PIP5K1A: variants seen among roughly 807,000 people sequenced by gnomAD.
PIP5K1A encodes the protein phosphatidylinositol 4-phosphate 5-kinase type-1 alpha.
In PIP5K1A, 46 loss-of-function variants were observed where a neutral mutation model predicts 72.9. That is an observed-to-expected ratio of 0.63 (90% CI 0.50 to 0.81). The LOEUF (loss-of-function observed/expected upper bound fraction) is 0.81, where lower values mean the gene tolerates loss of function less well. Ranked by LOEUF, PIP5K1A falls within the 30% of genes least tolerant of loss-of-function variation. PIP5K1A has a pLI of 0.00. For missense variants in PIP5K1A, 458 were observed against 706.1 expected (o/e 0.65, Z 3.98); for synonymous variants, 228 against 255.1 (o/e 0.89, Z 1.01).
chr1:151,216,935 C>A (rs1558255455), intron 1 of PIP5K1A, among the ~76,000 whole-genome samples: 1 of 143,100 alleles, frequency 7.0e-6, no homozygotes. Context: ...TTTTTTGAGA[C>A]GGAGTCTCGC....
chr1:151,224,057 C>T lies in PIP5K1A; in HGVS notation c.86-188C>T, dbSNP rs1688767592. On this transcript the variant is annotated intron_variant, in intron 1 of 15. Transcript: ENST00000368888. ...GAATAAAAATGGAATATGCACGAGG[C>T]CTATGTGAGTATGGAGAAGGAGAGA... 1.9e-5 allele frequency: 12 copies of T among 617,162 alleles called. 1 individual carries two copies. The South Asian group carries it at 2.2e-4, about 11-fold the overall frequency. The allele number at this position is 617,162 out of a possible 1,614,324, so 38.2% of individuals were successfully genotyped here.
chr1:151,240,092 C>T lies in PIP5K1A; in HGVS notation c.1363+53C>T, dbSNP rs1691478530. The T allele has an allele frequency of 3.9e-6, 5 of 1,289,310 alleles. No individual in the cohort carries two copies. The East Asian group carries it at 7.0e-5, about 18-fold the overall frequency. 79.9% of individuals were successfully genotyped at this position (1,289,310 alleles called of 1,614,324 possible). A position where few individuals can be genotyped will look rare whatever the true frequency, so the allele number is the denominator to read the frequency against. ...TACTCCTGCCCAGTGGCTCCCTTAC[C>T]CCAAGAGAACAGAGGGCAGGACACC... On this transcript the variant is annotated intron_variant, in intron 12 of 15. Coordinates refer to ENST00000368888, the MANE Select transcript of PIP5K1A (RefSeq NM_001135638.2).
intron 1 of PIP5K1A, among the ~76,000 whole-genome samples, chr1:151,221,404 G>A (rs1003402402): frequency 6.6e-6 from 1 of 152,168 alleles, no homozygotes; most frequent in African/African-American, 2.4e-5. Flanking sequence ...CTTCTCTGTA[G>A]CATTTATAGC....
chr1:151,217,801 A>T (rs1687853073), intron 1 of PIP5K1A, among the ~76,000 whole-genome samples: 1 of 151,354 alleles, frequency 6.6e-6, no homozygotes, highest in South Asian at 2.1e-4. Flanking sequence ...TATTTTTGAG[A>T]TGGAGTCTTG....
intron 1 of PIP5K1A, among the ~76,000 whole-genome samples, chr1:151,223,159 T>A (rs1056772626): frequency 3.3e-5 from 5 of 151,690 alleles, no homozygotes; most frequent in Non-Finnish European, 5.9e-5. Flanking sequence ...AAGACCACCC[T>A]GGCCGACATG....
rs1048925301 is a variant in PIP5K1A, at chr1:151,234,237, A to T, written c.680A>T (p.Tyr227Phe). 1.2e-6 allele frequency: 2 copies of T among 1,611,792 alleles called. No homozygotes were observed. The highest frequency in any genetic ancestry group is 3.3e-5 in the Admixed American group (2 of 59,890). The change falls in exon 8 of 16, where the codon TAT becomes TTT. Residue 227 changes from tyrosine to phenylalanine, a missense_variant. By Grantham distance (22) the Tyr-to-Phe change is conservative. Around this residue, in one of 3 missense-constraint regions of PIP5K1A, gnomAD observed 220 missense variants for 442.6 expected, o/e 0.50. Transcript: ENST00000368888. ...CCTCGGACTTTGCTGCCTAAATTCT[A>T]TGGACTGTACTGTGTGCAGGCAGGT... is the stretch of plus-strand genomic sequence containing the variant. ...QNPRTLLPKF[Y>F]GLYCVQAGGK...
chr1:151,239,923 C>CTT, intron 11 of PIP5K1A, 32 bp from the exon 12 acceptor site: 1 of 1,533,610 alleles, frequency 6.5e-7, no homozygotes, highest in Non-Finnish European at 9.0e-7. Flanking sequence ...TGCCGGGCCT[C>CTT]CTAACTCTAT....
chr1:151,211,311 AC>A (rs1686762496), intron 1 of PIP5K1A, among the ~76,000 whole-genome samples: 1 of 151,506 alleles, frequency 6.6e-6, no homozygotes, highest in African/African-American at 2.4e-5. Context: ...ACATAGTGAA[AC>A]CCTGTCTCTA....
Position 151,232,175 on chromosome 1 carries a change from A to G in PIP5K1A, c.369-73A>G. ...CTCCCCCCACCATGAGGTGACTCTG[A>G]GTGTCTTCGCAAGGTAGATTCTCTG... On this transcript the variant is annotated intron_variant, in intron 5 of 15. Transcript: ENST00000368888. 4 of 968,766 alleles carry G rather than the reference A, an allele frequency of 4.1e-6. No homozygotes were observed. In the Admixed American group the frequency reaches 6.8e-5, roughly 16 times the overall value. 60.0% of individuals were successfully genotyped at this position (968,766 alleles called of 1,614,324 possible).
chr1:151,244,499 C>T (rs1285834754), intron 14 of PIP5K1A, among the ~76,000 whole-genome samples: 2 of 151,810 alleles, frequency 1.3e-5, no homozygotes, highest in Non-Finnish European at 2.9e-5. Flanking sequence ...ACCAAAAATA[C>T]AAAAAAATTA....
At chr1:151,215,809 A>G (rs1687509212) in intron 1 of PIP5K1A, among the ~76,000 whole-genome samples, 1 of 152,198 alleles carries the variant, frequency 6.6e-6, no homozygotes, top group South Asian at 2.1e-4. Context: ...ATTACAAAAA[A>G]ATCATTCCAC....
Position 151,224,280 on chromosome 1 carries a change from G to A in PIP5K1A, c.120+1G>A, listed in dbSNP as rs1688801694. The A allele has an allele frequency of 6.2e-7, 1 of 1,613,016 alleles. No homozygotes were observed. Among genetic ancestry groups the A allele is most frequent in the African/African-American group, 1.3e-5 (1 of 74,860 alleles). Reference sequence around the variant, plus strand: ...AATCAAGAGACCCATGGCATCTGAGGTGAGTTTCATACTGATACAATGGTT... The same window carrying A: ...AATCAAGAGACCCATGGCATCTGAGATGAGTTTCATACTGATACAATGGTT... On this transcript the variant is annotated splice_donor_variant, in intron 2 of 15. Transcript: ENST00000368888. LOFTEE classifies it high-confidence loss of function.
intron 1 of PIP5K1A, among the ~76,000 whole-genome samples, chr1:151,210,573 A>G (rs1049314961): frequency 6.6e-6 from 1 of 151,990 alleles, no homozygotes; most frequent in African/African-American, 2.4e-5. Flanking sequence ...TGCTCTATGT[A>G]GGAACTATTG....
intron 2 of PIP5K1A, 38 bp from the exon 3 acceptor site, chr1:151,224,333 G>A: frequency 6.2e-7 from 1 of 1,608,872 alleles, no homozygotes; most frequent in South Asian, 1.1e-5. Flanking sequence ...GGGATAGAAG[G>A]AACCTGTTTA....
rs1688801074 is a variant in PIP5K1A at position 151,224,278 on chromosome 1, A to G, written c.119A>G (p.Glu40Gly). Residue 40 changes from glutamate to glycine, a missense_variant and splice_region_variant, in exon 2 of 16, where the codon GAG (glutamate) becomes GGG (glycine). Physicochemically the swap from Glu to Gly is moderately conservative, Grantham distance 98 (BLOSUM62 -2). Around this residue, in one of 3 missense-constraint regions of PIP5K1A, gnomAD observed 81 missense variants for 88.0 expected, o/e 0.92. Coordinates refer to ENST00000368888, the MANE Select transcript of PIP5K1A (RefSeq NM_001135638.2). ...ASGIKRPMASEVLEARQDSYI... is the reference protein window; with the variant it reads ...ASGIKRPMASGVLEARQDSYI... Reference sequence around the variant, plus strand: ...GGAATCAAGAGACCCATGGCATCTGAGGTGAGTTTCATACTGATACAATGG... The same window carrying G: ...GGAATCAAGAGACCCATGGCATCTGGGGTGAGTTTCATACTGATACAATGG... 1.2e-6 allele frequency: 2 copies of G among 1,613,028 alleles called. 1 individual carries two copies. The highest frequency in any genetic ancestry group is 2.7e-5 in the African/African-American group (2 of 74,856).
intron 1 of PIP5K1A, among the ~76,000 whole-genome samples, chr1:151,216,821 C>T (rs1016410978): frequency 4.0e-5 from 6 of 151,754 alleles, no homozygotes; most frequent in African/African-American, 1.5e-4. Context: ...GTTGTTACTT[C>T]CACATTTTAT....
intron 1 of PIP5K1A, among the ~76,000 whole-genome samples, chr1:151,211,984 T>A (rs1397182063): frequency 1.3e-5 from 2 of 150,872 alleles, no homozygotes; most frequent in Non-Finnish European, 3.0e-5. Context: ...TGGTGGCAGG[T>A]GCCTGTAGTC....
chr1:151,200,190 G>T (rs762174340), intron 1 of PIP5K1A, among the ~76,000 whole-genome samples: 5 of 151,084 alleles, frequency 3.3e-5, no homozygotes, highest in African/African-American at 1.2e-4. Flanking sequence ...AAAGATGGGT[G>T]GGGGGGTGAC....
At chr1:151,219,555 GT>G (rs907882222) in intron 1 of PIP5K1A, among the ~76,000 whole-genome samples, 43 of 151,602 alleles carry the variant, frequency 2.8e-4, no homozygotes, top group African/African-American at 1.0e-3. Flanking sequence ...TTAGCTGGGT[GT>G]TGTGGTGCGT....
Sources: allele counts gnomAD v4.1 joint callset (sites outside exome capture counted in the v4.1 genomes callset), GRCh38; gene constraint gnomAD v4.1.1; regional missense constraint gnomAD v4.1.1; transcripts MANE v1.5; gene names NCBI Gene and HGNC (gene_info 2026-07-23, HGNC 2026-07-21).